Variants in MLLT6 observed in about 807,000 individuals in gnomAD.
MLLT6 encodes the protein protein AF-17.
MLLT6 carries 22 observed loss-of-function variants against 103.0 expected under a neutral mutation model. The ratio of observed to expected loss-of-function variants is 0.21; its 90% CI spans 0.15 to 0.31. The LOEUF (loss-of-function observed/expected upper bound fraction) is 0.31. Among genes scored for constraint, MLLT6 ranks in the 10% least tolerant of loss-of-function variants. MLLT6 has a pLI of 1.00. For missense variants in MLLT6, 1,199 were observed against 1,441.7 expected (o/e 0.83, Z 2.73); for synonymous variants, 606 against 623.5 (o/e 0.97, Z 0.42).
In MLLT6 at chr17:38,719,478, C is replaced by T. The variant is rs369929822; in HGVS notation, c.1943-39C>T. 5 of 1,556,974 alleles carry T rather than the reference C, an allele frequency of 3.2e-6. No individual in the cohort carries two copies. In the African/African-American group the frequency reaches 6.8e-5, roughly 21 times the overall value. On this transcript the variant is annotated intron_variant, in intron 12 of 19. Transcript: ENST00000621332. ...GGGGCGGGGACCCTGAGGCAGCTAC[C>T]ACTCCTCCACGCTGATCCCAGCCTT... is the stretch of plus-strand genomic sequence containing the variant.
In MLLT6 at chr17:38,729,526, A is replaced by G. The variant is rs1412063455; in HGVS notation, c.*3928A>G. The G allele has an allele frequency of 8.6e-6, 2 of 233,020 alleles. No individual in the cohort carries two copies. The highest frequency in any genetic ancestry group is 1.7e-5 in the Non-Finnish European group (2 of 117,802). The allele number at this position is 233,020 out of a possible 1,614,324, so 14.4% of individuals were successfully genotyped here. A position where few individuals can be genotyped will look rare whatever the true frequency, so the allele number is the denominator to read the frequency against. On this transcript the variant is annotated 3_prime_UTR_variant, in exon 20 of 20. Coordinates refer to ENST00000621332, the MANE Select transcript of MLLT6 (RefSeq NM_005937.4). Reference sequence around the variant, plus strand: ...CCTGCTCCCGTCCCGCCCCCTTTCTATCCCAACCTGTTTCCATGTAGCAGA... The same window carrying G: ...CCTGCTCCCGTCCCGCCCCCTTTCTGTCCCAACCTGTTTCCATGTAGCAGA...
At chr17:38,711,708 A>G (rs556267712) in intron 6 of MLLT6, 139 bp from the exon 7 acceptor site, 12 of 1,057,294 alleles carry the variant, frequency 1.1e-5, no homozygotes, top group African/African-American at 9.7e-5. Context: ...GCAGAGCATC[A>G]TAGAGGACAT....
chr17:38,721,862 C>A lies in MLLT6; in HGVS notation c.2443-16C>A. The A allele has an allele frequency of 6.7e-7, 1 of 1,500,110 alleles. No individual in the cohort carries two copies. Among genetic ancestry groups the A allele is most frequent in the Non-Finnish European group, 9.0e-7 (1 of 1,111,084 alleles). 92.9% of individuals were successfully genotyped at this position (1,500,110 alleles called of 1,614,324 possible). ...ATGCTGGCCCTCTGACCCCTCCCTT[C>A]CCCCTCCCTCCCCAGGACCCACACT... On this transcript the variant is annotated splice_polypyrimidine_tract_variant and intron_variant, in intron 16 of 19. Transcript: ENST00000621332.
At position 38,729,467 on chromosome 17, in the gene MLLT6, T is replaced by C. The variant is rs746073828; in HGVS notation, c.*3869T>C. 20 of 233,522 alleles carry C rather than the reference T, an allele frequency of 8.6e-5. No individual in the cohort carries two copies. Among genetic ancestry groups the C allele is most frequent in the Non-Finnish European group, 1.4e-4 (16 of 118,048 alleles). 14.5% of individuals were successfully genotyped at this position (233,522 alleles called of 1,614,324 possible). A position where few individuals can be genotyped will look rare whatever the true frequency, so the allele number is the denominator to read the frequency against. On this transcript the variant is annotated 3_prime_UTR_variant, in exon 20 of 20. Coordinates refer to ENST00000621332, the MANE Select transcript of MLLT6 (RefSeq NM_005937.4). ...CTTTGTTCACTTTCTCCAGCTCAAC[T>C]TGGGACTTGGGTGGTGGGACTGGAG...
chr17:38,715,797 C>G lies in MLLT6; in HGVS notation c.1005C>G (p.Ser335=). 6.2e-7 allele frequency: 1 copy of G among 1,606,176 alleles called. No individual in the cohort carries two copies. Among genetic ancestry groups the G allele is most frequent in the Non-Finnish European group, 8.5e-7 (1 of 1,175,986 alleles). The change falls in exon 9 of 20, where the codon TCC becomes TCG. Residue 335 remains serine, a synonymous_variant. Transcript: ENST00000621332. ...CCTCCTCTTCTTCCTCCTCCTCTTC[C>G]TCCTCCTCTGGGGGGCCCTTCCAGC... The part of the protein sequence containing the change: ...TSASSSSSSS[S]SSSGGPFQPA...
Position 38,716,678 on chromosome 17 carries a change from G to A in MLLT6, c.1348G>A (p.Ala450Thr), listed in dbSNP as rs369773864. 5.0e-6 allele frequency: 8 copies of A among 1,613,020 alleles called. No individual in the cohort carries two copies. The African/African-American group carries it at 1.1e-4, about 22-fold the overall frequency. The change falls in exon 10 of 20, where the codon GCC becomes ACC. Residue 450 changes from alanine to threonine, a missense_variant. Ala to Thr is a moderately conservative substitution (Grantham distance 58). Around this residue, in one of 7 missense-constraint regions of MLLT6, gnomAD observed 1,034 missense variants for 1,091.5 expected, o/e 0.95. Coordinates refer to ENST00000621332, the MANE Select transcript of MLLT6 (RefSeq NM_005937.4). The surrounding 1 kb of genome is among the most constrained non-coding windows in gnomAD (Gnocchi z 5.6). Reference sequence around the variant, plus strand: ...CCACAAACGGATGCCCGCACTGAGTGCCACCCCTGTGCCTGCTGATGAGAC... The same window carrying A: ...CCACAAACGGATGCCCGCACTGAGTACCACCCCTGTGCCTGCTGATGAGAC... Reference protein sequence around the residue: ...GTHKRMPALSATPVPADETPE... With the variant: ...GTHKRMPALSTTPVPADETPE...
chr17:38,721,277 G>A (rs1253685861), intron 16 of MLLT6: 1 of 169,714 alleles, frequency 5.9e-6, no homozygotes, highest in African/African-American at 2.4e-5. Context: ...GACTTGGGCA[G>A]TAATAATCAT....
At chr17:38,717,345 G>T in intron 10 of MLLT6, 87 bp from the exon 11 acceptor site, 1 of 1,092,592 alleles carries the variant, frequency 9.2e-7, no homozygotes. Flanking sequence ...GAGCACTCGA[G>T]CTGGGGAGGG....
rs760014101 is a variant in MLLT6, at chr17:38,727,542, C to T, written c.*1944C>T. ...TTCAGGCCAGGCGCGGTGGCTCACGCCTGTAATCCCAACACTTTGGGAGGC... is the reference window on the plus strand; with the variant it reads ...TTCAGGCCAGGCGCGGTGGCTCACGTCTGTAATCCCAACACTTTGGGAGGC... On this transcript the variant is annotated 3_prime_UTR_variant, in exon 20 of 20. Coordinates refer to ENST00000621332, the MANE Select transcript of MLLT6 (RefSeq NM_005937.4). 3 of 204,020 alleles carry T rather than the reference C, an allele frequency of 1.5e-5. No individual in the cohort carries two copies. In the Admixed American group the frequency reaches 1.8e-4, roughly 12 times the overall value. The allele number at this position is 204,020 out of a possible 1,614,324, so 12.6% of individuals were successfully genotyped here. A position where few individuals can be genotyped will look rare whatever the true frequency, so the allele number is the denominator to read the frequency against.
rs527526656 is a variant in MLLT6 at position 38,716,044 on chromosome 17, C to T, written c.1036+216C>T. The T allele has an allele frequency of 4.4e-4, 270 of 611,846 alleles. No homozygotes were observed. Among genetic ancestry groups the T allele is most frequent in the Admixed American group, 1.8e-3 (60 of 33,678 alleles). 37.9% of individuals were successfully genotyped at this position (611,846 alleles called of 1,614,324 possible). On this transcript the variant is annotated intron_variant, in intron 9 of 19. Coordinates refer to ENST00000621332, the MANE Select transcript of MLLT6 (RefSeq NM_005937.4). The surrounding 1 kb of genome is among the most constrained non-coding windows in gnomAD (Gnocchi z 5.6). ...CCCCTTCAGGGGCCACCCCACCAACCTCATAACAGTATTCCTTATCCCCTA... is the reference window on the plus strand; with the variant it reads ...CCCCTTCAGGGGCCACCCCACCAACTTCATAACAGTATTCCTTATCCCCTA...
At chr17:38,711,334 C>G (rs1286949473) in intron 6 of MLLT6, among the ~76,000 whole-genome samples, 1 of 152,082 alleles carries the variant, frequency 6.6e-6, no homozygotes, top group East Asian at 1.9e-4. Flanking sequence ...TCCTTTGGGA[C>G]AGGAGCAACC....
rs139086802 is a variant in MLLT6, at chr17:38,709,181, C to T, written c.363C>T (p.Tyr121=). The T allele has an allele frequency of 1.0e-4, 169 of 1,610,918 alleles. No homozygotes were observed. The highest frequency in any genetic ancestry group is 1.4e-4 in the Non-Finnish European group (161 of 1,178,862). ...VPHDRFNKTC[Y]ICEEQGRESK... The stretch of plus-strand genomic sequence containing the variant: ...TGCGCTGTGTCCTGCAGACCTGTTA[C>T]ATCTGCGAGGAGCAGGGCCGGGAGA... Residue 121 remains tyrosine, a synonymous_variant, in exon 5 of 20, where the codon TAC becomes TAT. Transcript: ENST00000621332. This position sits in a 1 kb window ranked among gnomAD's most constrained non-coding sequence, Gnocchi z 4.3.
intron 16 of MLLT6, 113 bp from the exon 17 acceptor site, chr17:38,721,765 C>CT: frequency 3.0e-6 from 2 of 658,194 alleles, no homozygotes; most frequent in Non-Finnish European, 4.8e-6. Context: ...TCCAGGGTGC[C>CT]TGGGGGTGAA....
Position 38,717,657 on chromosome 17 carries a change from G to A in MLLT6, c.1833+44G>A, listed in dbSNP as rs1597996526. On this transcript the variant is annotated intron_variant, in intron 11 of 19. Coordinates refer to ENST00000621332, the MANE Select transcript of MLLT6 (RefSeq NM_005937.4). Reference sequence around the variant, plus strand: ...GCTCCTCCTTCCCTGGGCAGGTTGGGGACAGACTGACAGAGGACCCCAGCC... The same window carrying A: ...GCTCCTCCTTCCCTGGGCAGGTTGGAGACAGACTGACAGAGGACCCCAGCC... 7.5e-6 allele frequency: 12 copies of A among 1,593,142 alleles called. No individual in the cohort carries two copies. In the East Asian group the frequency reaches 2.7e-4, roughly 36 times the overall value.
rs572344811 is a variant in MLLT6, at chr17:38,705,686, C to T, written c.54C>T (p.Ala18=). The change falls in exon 1 of 20, where the codon GCC becomes GCT. Residue 18 remains alanine (A), a synonymous_variant. Transcript: ENST00000621332. ...TATGTTCGGACGAGAGGGGCTGGGC[C>T]GAGAACCCGCTGGTCTACTGCGATG... ...CCVCSDERGW[A]ENPLVYCDGH... is the part of the protein sequence containing the mutation. 8.9e-6 allele frequency: 14 copies of T among 1,568,292 alleles called. No individual in the cohort carries two copies. The South Asian group carries it at 1.3e-4, about 14-fold the overall frequency.
At chr17:38,723,908 A>G (rs1905888747) in intron 18 of MLLT6, among the ~76,000 whole-genome samples, 1 of 151,920 alleles carries the variant, frequency 6.6e-6, no homozygotes, top group East Asian at 2.0e-4. Flanking sequence ...ATGCCCAGCT[A>G]ATTTTTGTAT....
At chr17:38,722,634 T>TGGGGGGGGGGTGGGGGGGGGGGGGG in intron 17 of MLLT6, 44 bp from the exon 18 acceptor site, 1 of 532,162 alleles carries the variant, frequency 1.9e-6, no homozygotes, top group South Asian at 1.7e-5. Context: ...CCCTCCCCCA[T>TGGGGGGGGGGTGGGGGGGGGGGGGG]GGTCTGTGTG....
At position 38,724,764 on chromosome 17, in the gene MLLT6, C is replaced by G. The variant is rs755563235; in HGVS notation, c.3028C>G (p.Pro1010Ala). ...CACCCCGCTGCTGTCTGCGGGTACC[C>G]CTGGCCTGCTGCCCACAGCGTCTGC... is the stretch of plus-strand genomic sequence containing the variant. ...SSTPLLSAGTPGLLPTASAPP... is the reference protein window; with the variant it reads ...SSTPLLSAGTAGLLPTASAPP... The change falls in exon 19 of 20, where the codon CCT (proline) becomes GCT (alanine). Residue 1010 changes from proline to alanine, a missense_variant. Pro to Ala is a conservative substitution (Grantham distance 27, BLOSUM62 -1). Transcript: ENST00000621332. This position sits in a 1 kb window ranked among gnomAD's most constrained non-coding sequence, Gnocchi z 5.4. The G allele has an allele frequency of 4.4e-6, 7 of 1,608,618 alleles. No homozygotes were observed. In the South Asian group the frequency reaches 6.7e-5, roughly 15 times the overall value.
Position 38,716,624 on chromosome 17 carries a change from G to C in MLLT6, c.1294G>C (p.Val432Leu), listed in dbSNP as rs377118280. The change falls in exon 10 of 20, where the codon GTC becomes CTC. Residue 432 changes from valine to leucine, a missense_variant. Around this residue, in one of 7 missense-constraint regions of MLLT6, gnomAD observed 1,034 missense variants for 1,091.5 expected, o/e 0.95. Coordinates refer to ENST00000621332, the MANE Select transcript of MLLT6 (RefSeq NM_005937.4). This position sits in a 1 kb window ranked among gnomAD's most constrained non-coding sequence, Gnocchi z 5.6. ...PSPGDYKSPH[V>L]TGSGASAGTH... is the part of the protein sequence containing the mutation. ...CCCTGGGGACTATAAGTCTCCCCAC[G>C]TCACGGGGTCTGGGGCCTCGGCAGG... 17 of 1,613,780 alleles carry C rather than the reference G, an allele frequency of 1.1e-5. No individual in the cohort carries two copies. In the Admixed American group the frequency reaches 1.3e-4, roughly 13 times the overall value.
Sources: gnomAD v4.1 joint callset for allele counts (sites outside exome capture counted in the v4.1 genomes callset) on GRCh38, gnomAD v4.1.1 for gene constraint, gnomAD v4.1.1 regional missense constraint, Gnocchi (gnomAD v3.1) non-coding constraint, MANE v1.5 for transcripts, NCBI Gene and HGNC (gene_info 2026-07-23, HGNC 2026-07-21) for gene names.